The following TYR variants were observed in gnomAD, a reference collection of about 807,000 sequenced individuals.
The protein encoded by TYR is tyrosinase.
TYR carries 58 observed loss-of-function variants against 51.5 expected under a neutral mutation model. That is an observed-to-expected ratio of 1.13 (90% CI 0.91 to 1.40). TYR has a LOEUF of 1.40. Among genes scored for constraint, TYR ranks in the 40% most tolerant of loss-of-function variants. The pLI is 0.00. For synonymous variants in TYR, 263 were observed against 235.2 expected, an observed-to-expected ratio of 1.12 and a Z score of -1.08; for missense variants, 732 against 647.4, an observed-to-expected ratio of 1.13 and a Z score of -1.42.
At chr11:89,189,885 G>A (rs79987279) in intron 1 of TYR, among the ~76,000 whole-genome samples, 3,449 of 152,062 alleles carry the variant, frequency 0.023, 123 homozygotes, top group African/African-American at 0.077. Context: ...CCACACAATG[G>A]CATTTCTGTC....
chr11:89,274,371 A>T (rs1249890258), intron 3 of TYR, among the ~76,000 whole-genome samples: 1 of 151,912 alleles, frequency 6.6e-6, no homozygotes. Flanking sequence ...AGCAGGGTCT[A>T]GTCTGGTTAG....
chr11:89,275,267 C>G (rs1245835556), intron 3 of TYR, among the ~76,000 whole-genome samples: 1 of 151,892 alleles, frequency 6.6e-6, no homozygotes, highest in African/African-American at 2.4e-5. Flanking sequence ...CTGTGTATAG[C>G]TTTGAAAGGC....
At chr11:89,261,324 CT>C (rs985762545) in intron 3 of TYR, among the ~76,000 whole-genome samples, 1 of 151,842 alleles carries the variant, frequency 6.6e-6, no homozygotes, top group Non-Finnish European at 1.5e-5. Context: ...TATATGTTGT[CT>C]ACAAGAGACT....
chr11:89,194,075 T>G (rs1045120727), intron 2 of TYR, among the ~76,000 whole-genome samples: 2 of 152,180 alleles, frequency 1.3e-5, no homozygotes, highest in Non-Finnish European at 2.9e-5. Flanking sequence ...AAATTAGATA[T>G]AATAATATCC....
chr11:89,222,957 A>G (rs1368523882), intron 2 of TYR, among the ~76,000 whole-genome samples: 2 of 152,178 alleles, frequency 1.3e-5, no homozygotes, highest in Non-Finnish European at 2.9e-5. Flanking sequence ...GGTTGAGATA[A>G]TAACACATTC....
chr11:89,196,294 G>C (rs2135257468), intron 2 of TYR, among the ~76,000 whole-genome samples: 1 of 152,266 alleles, frequency 6.6e-6, no homozygotes, highest in East Asian at 1.9e-4. Context: ...AGGGAAAGGG[G>C]AGGATGGAAA....
intron 2 of TYR, among the ~76,000 whole-genome samples, chr11:89,212,094 G>A (rs1276926261): frequency 6.6e-6 from 1 of 152,038 alleles, no homozygotes; most frequent in African/African-American, 2.4e-5. Context: ...ACTAAGATCA[G>A]AGCAGAAATG....
intron 3 of TYR, among the ~76,000 whole-genome samples, chr11:89,260,472 A>G (rs1944444120): frequency 6.6e-6 from 1 of 152,042 alleles, no homozygotes; most frequent in Non-Finnish European, 1.5e-5. Context: ...TATTCTTCAA[A>G]TATGAAAGAG....
At chr11:89,192,378 TTG>T (rs1460536370) in intron 2 of TYR, among the ~76,000 whole-genome samples, 2 of 152,088 alleles carry the variant, frequency 1.3e-5, no homozygotes, top group African/African-American at 4.8e-5. Context: ...AGGCACTGAC[TTG>T]TGGCAAGGCA....
At chr11:89,277,130 TAG>T (rs1397794152) in intron 3 of TYR, among the ~76,000 whole-genome samples, 5 of 151,730 alleles carry the variant, frequency 3.3e-5, no homozygotes, top group Non-Finnish European at 7.4e-5. Flanking sequence ...CACTGAGGCT[TAG>T]AGAGTTTTAT....
intron 3 of TYR, among the ~76,000 whole-genome samples, chr11:89,237,350 C>G (rs1167526337): frequency 2.0e-5 from 3 of 152,158 alleles, no homozygotes; most frequent in Non-Finnish European, 4.4e-5. Context: ...ACACTTAAGT[C>G]TTTAACCCAT....
At chr11:89,247,587 G>A (rs1227678143) in intron 3 of TYR, among the ~76,000 whole-genome samples, 1 of 152,008 alleles carries the variant, frequency 6.6e-6, no homozygotes, top group Non-Finnish European at 1.5e-5. Flanking sequence ...TTAAAGGCAG[G>A]GGGAAAAAGA....
chr11:89,263,808 C>T (rs1396782412), intron 3 of TYR, among the ~76,000 whole-genome samples: 1 of 151,964 alleles, frequency 6.6e-6, no homozygotes, highest in African/African-American at 2.4e-5. Context: ...ATACTGAAAA[C>T]TATAAAACAC....
intron 3 of TYR, among the ~76,000 whole-genome samples, chr11:89,275,265 A>G (rs1341481623): frequency 3.3e-5 from 5 of 151,878 alleles, no homozygotes; most frequent in Non-Finnish European, 7.4e-5. Flanking sequence ...TTCTGTGTAT[A>G]GCTTTGAAAG....
intron 2 of TYR, among the ~76,000 whole-genome samples, chr11:89,220,081 C>A (rs1221393213): frequency 6.6e-6 from 1 of 152,006 alleles, no homozygotes; most frequent in Non-Finnish European, 1.5e-5. Flanking sequence ...TCTGACCCTG[C>A]CACTTATCTG....
intron 2 of TYR, among the ~76,000 whole-genome samples, chr11:89,227,120 C>T (rs896811361): frequency 6.6e-6 from 1 of 152,042 alleles, no homozygotes; most frequent in African/African-American, 2.4e-5. Flanking sequence ...TAATTTCTAA[C>T]CAACAGAGTT....
rs150558524 is a variant in TYR at position 89,258,805 on chromosome 11, T to A, written c.1185-25968T>A. ...ACCTATCTATTCCCACTATACAGGG[T>A]CAAATCTAATACCAGAGACCAACTA... is the stretch of plus-strand genomic sequence containing the variant. On this transcript the variant is annotated intron_variant, in intron 3 of 4. Coordinates refer to ENST00000263321, the MANE Select transcript of TYR (RefSeq NM_000372.5). Among the ~76,000 whole-genome samples, 1,413 of 152,050 alleles carry A rather than the reference T, an allele frequency of 9.3e-3. 23 individuals are homozygous for A. The highest frequency in any genetic ancestry group is 0.033 in the African/African-American group (1,361 of 41,500).
intron 3 of TYR, among the ~76,000 whole-genome samples, chr11:89,262,604 C>T (rs138199882): frequency 1.4e-5 from 2 of 138,136 alleles, no homozygotes; most frequent in African/African-American, 5.4e-5. Flanking sequence ...GCTAGACTGG[C>T]CAAGAAAAAA....
chr11:89,204,673 C>T (rs1348357898), intron 2 of TYR, among the ~76,000 whole-genome samples: 2 of 152,058 alleles, frequency 1.3e-5, no homozygotes, highest in African/African-American at 4.8e-5. Flanking sequence ...ACTGGGATTA[C>T]AGGTGTGAGC....
Sources: allele counts gnomAD v4.1 joint callset (sites outside exome capture counted in the v4.1 genomes callset), GRCh38; gene constraint gnomAD v4.1.1; transcripts MANE v1.5; gene names NCBI Gene and HGNC (gene_info 2026-07-23, HGNC 2026-07-21).